SLC25A26: variants seen among roughly 807,000 people sequenced by gnomAD.
SLC25A26 encodes the protein solute carrier family 25 member 26.
In SLC25A26, 36 loss-of-function variants were observed where a neutral mutation model predicts 37.8. That is an observed-to-expected ratio of 0.95 (90% CI 0.73 to 1.26). SLC25A26 has a LOEUF of 1.26. Among genes scored for constraint, SLC25A26 ranks in the 50% most tolerant of loss-of-function variants. SLC25A26 has a pLI of 0.00. For synonymous variants in SLC25A26, 129 were observed against 122.5 expected (o/e 1.05, Z -0.35); for missense variants, 390 against 331.1 (o/e 1.18, Z -1.38).
In SLC25A26 at chr3:66,369,190, T is replaced by A. The variant is rs139875389; in HGVS notation, c.569-288T>A. Among the ~76,000 whole-genome samples, 475 of 152,312 alleles carry A rather than the reference T, an allele frequency of 3.1e-3. 2 individuals carry two copies. Among genetic ancestry groups the A allele is most frequent in the East Asian group, 0.018 (94 of 5,178 alleles). ...CATGTGTACACATTCATCATGTATG[T>A]AAACATACACACTCATTAGTTTGCT... On this transcript the variant is annotated intron_variant, in intron 7 of 9. Coordinates refer to ENST00000354883, the MANE Select transcript of SLC25A26 (RefSeq NM_001379210.1).
chr3:66,274,145 G>T (rs2074050590), intron 5 of SLC25A26, among the ~76,000 whole-genome samples: 1 of 151,118 alleles, frequency 6.6e-6, no homozygotes, highest in Non-Finnish European at 1.5e-5. Flanking sequence ...AACAAGCAAT[G>T]GGGAAAGGAT....
intron 5 of SLC25A26, among the ~76,000 whole-genome samples, chr3:66,304,012 T>A (rs1245134059): frequency 6.6e-6 from 1 of 152,206 alleles, no homozygotes; most frequent in Non-Finnish European, 1.5e-5. Context: ...CAACATGAAA[T>A]TTTATTTCTT....
chr3:66,187,757 G>C (rs1039629338), intron 1 of SLC25A26, among the ~76,000 whole-genome samples: 1 of 120,264 alleles, frequency 8.3e-6, no homozygotes, highest in Non-Finnish European at 1.8e-5. Context: ...CTATGAACTG[G>C]ACCTTGTCCC....
At chr3:66,238,899 G>T (rs1221854548) in intron 2 of SLC25A26, among the ~76,000 whole-genome samples, 3 of 152,088 alleles carry the variant, frequency 2.0e-5, no homozygotes, top group Non-Finnish European at 4.4e-5. Flanking sequence ...GGCTCACATA[G>T]TGTAACTTTA....
chr3:66,341,437 T>C (rs193267851), intron 5 of SLC25A26, among the ~76,000 whole-genome samples: 91 of 152,238 alleles, frequency 6.0e-4, no homozygotes, highest in African/African-American at 2.1e-3. Flanking sequence ...TGTAAAGTGA[T>C]ACATTAGGAG....
intron 1 of SLC25A26, among the ~76,000 whole-genome samples, chr3:66,227,787 A>T (rs972842927): frequency 6.6e-6 from 1 of 152,138 alleles, no homozygotes; most frequent in African/African-American, 2.4e-5. Flanking sequence ...ACCACCTTAC[A>T]GGCAGTAGGA....
intron 1 of SLC25A26, among the ~76,000 whole-genome samples, chr3:66,186,839 C>T (rs2070837953): frequency 6.6e-6 from 1 of 152,046 alleles, no homozygotes; most frequent in Admixed American, 6.5e-5. Flanking sequence ...CCATGACACT[C>T]AGCAAGACTC....
intron 3 of SLC25A26, among the ~76,000 whole-genome samples, chr3:66,247,730 T>G (rs34257417): frequency 1.2e-3 from 177 of 152,334 alleles, no homozygotes; most frequent in Non-Finnish European, 1.9e-3. Context: ...GATCTTAAAC[T>G]TCCTGAAGCC....
intron 5 of SLC25A26, among the ~76,000 whole-genome samples, chr3:66,294,358 C>T (rs575123531): frequency 9.9e-5 from 15 of 152,104 alleles, no homozygotes; most frequent in African/African-American, 2.7e-4. Context: ...GATTTTTGTA[C>T]GTTGATTTTG....
chr3:66,256,776 TC>T (rs1451269390), intron 3 of SLC25A26, among the ~76,000 whole-genome samples: 1 of 152,104 alleles, frequency 6.6e-6, no homozygotes, highest in Non-Finnish European at 1.5e-5. Flanking sequence ...ACACCCGTAG[TC>T]CCAGCTCCGC....
At chr3:66,233,742 T>C (rs887671846) in intron 1 of SLC25A26, among the ~76,000 whole-genome samples, 1 of 152,202 alleles carries the variant, frequency 6.6e-6, no homozygotes, top group African/African-American at 2.4e-5. Context: ...ATTTGAGTTA[T>C]ATAGAAGTTT....
Position 66,240,326 on chromosome 3 carries a change from G to A in SLC25A26, c.191-2877G>A, listed in dbSNP as rs145592681. Among the ~76,000 whole-genome samples, 747 of 152,210 alleles carry A rather than the reference G, an allele frequency of 4.9e-3. 8 individuals carry two copies. The highest frequency in any genetic ancestry group is 0.017 in the African/African-American group (696 of 41,522). On this transcript the variant is annotated intron_variant, in intron 2 of 9. Transcript: ENST00000354883. ...TCCCCCTGAGACCAGGTCTCACTCC[G>A]TTGCCCAGACTGGAGTGCAGTGGCA...
At chr3:66,341,167 G>A (rs1410074277) in intron 5 of SLC25A26, among the ~76,000 whole-genome samples, 2 of 152,042 alleles carry the variant, frequency 1.3e-5, no homozygotes, top group East Asian at 3.9e-4. Context: ...TGATCTTAAG[G>A]GGAAAGCATT....
At chr3:66,256,555 C>G (rs1043229848) in intron 3 of SLC25A26, among the ~76,000 whole-genome samples, 5 of 151,974 alleles carry the variant, frequency 3.3e-5, no homozygotes, top group Admixed American at 2.0e-4. Flanking sequence ...TTTCCCTACT[C>G]TTTACATAAG....
At position 66,370,592 on chromosome 3, in the gene SLC25A26, G is replaced by C. The variant is rs1417299882; in HGVS notation, c.697G>C (p.Gly233Arg). The C allele has an allele frequency of 6.2e-7, 1 of 1,613,652 alleles. No homozygotes were observed. Among genetic ancestry groups the C allele is most frequent in the East Asian group, 2.2e-5 (1 of 44,876 alleles). Residue 233 changes from glycine (G) to arginine (R), a missense_variant, in exon 9 of 10, where the codon GGG becomes CGG. Gly to Arg is a moderately radical substitution (Grantham distance 125). Transcript: ENST00000354883. Reference protein sequence around the residue: ...SVLHGVWRSQGLAGLFAGVFP... With the variant: ...SVLHGVWRSQRLAGLFAGVFP... ...CCTGCATGGGGTCTGGCGGTCACAG[G>C]GGCTGGCAGGGTAAGACGAGGAATG... is the stretch of plus-strand genomic sequence containing the variant.
chr3:66,158,293 T>C (rs1217040015), intron 1 of SLC25A26, among the ~76,000 whole-genome samples: 1 of 152,252 alleles, frequency 6.6e-6, no homozygotes, highest in Non-Finnish European at 1.5e-5. Flanking sequence ...TATTATTCTT[T>C]TTTATAGCTT....
intron 3 of SLC25A26, among the ~76,000 whole-genome samples, chr3:66,254,134 G>A (rs974562440): frequency 6.6e-6 from 1 of 152,166 alleles, no homozygotes; most frequent in South Asian, 2.1e-4. Flanking sequence ...CCCAATGCAA[G>A]TAGGTAAAAA....
intron 6 of SLC25A26, among the ~76,000 whole-genome samples, chr3:66,349,395 T>G (rs115217348): frequency 2.0e-5 from 3 of 152,132 alleles, no homozygotes; most frequent in Non-Finnish European, 2.9e-5. Context: ...CCACAGCCCC[T>G]GTGAGCCACT....
At chr3:66,299,765 T>A (rs1241585279) in intron 5 of SLC25A26, among the ~76,000 whole-genome samples, 1 of 151,832 alleles carries the variant, frequency 6.6e-6, no homozygotes, top group Non-Finnish European at 1.5e-5. Flanking sequence ...TCTTGATTGT[T>A]TGACTGTCAT....
Sources: allele counts gnomAD v4.1 joint callset (sites outside exome capture counted in the v4.1 genomes callset), GRCh38; gene constraint gnomAD v4.1.1; transcripts MANE v1.5; gene names NCBI Gene and HGNC (gene_info 2026-07-23, HGNC 2026-07-21).